Variants in PDE1C observed in about 807,000 individuals in gnomAD.
PDE1C encodes phosphodiesterase 1C.
PDE1C carries 62 observed loss-of-function variants against 93.1 expected under a neutral mutation model. The observed-to-expected ratio is 0.67, with a 90% CI of 0.54 to 0.82. The LOEUF is 0.82. Ranked by LOEUF, PDE1C falls within the 40% of genes least tolerant of loss-of-function variation. The pLI, the probability that PDE1C is intolerant of heterozygous loss-of-function variation, is 0.00. For missense variants in PDE1C, 742 were observed against 884.6 expected, an observed-to-expected ratio of 0.84 and a Z score of 2.04; for synonymous variants, 325 against 310.1, an observed-to-expected ratio of 1.05 and a Z score of -0.50.
At chr7:32,277,983 C>T (rs1281982962) in intron 1 of PDE1C, among the ~76,000 whole-genome samples, 3 of 151,818 alleles carry the variant, frequency 2.0e-5, no homozygotes, top group Non-Finnish European at 2.9e-5. Flanking sequence ...CAGGACACAC[C>T]GGTGATGTCC....
intron 9 of PDE1C, among the ~76,000 whole-genome samples, chr7:31,846,934 C>T (rs1390507149): frequency 6.6e-6 from 1 of 152,044 alleles, no homozygotes; most frequent in African/African-American, 2.4e-5. Context: ...TAAAAATCAG[C>T]CTCTCAGATT....
chr7:31,669,323 C>T, the PDE1C span, among the ~76,000 whole-genome samples: 148 of 152,176 alleles, frequency 9.7e-4, 1 homozygote, highest in African/African-American at 3.4e-3. Flanking sequence ...CATCCCAGGA[C>T]AAGACACTAG....
At chr7:32,014,420 CAAG>C (rs1157195367) in intron 2 of PDE1C, among the ~76,000 whole-genome samples, 1 of 152,196 alleles carries the variant, frequency 6.6e-6, no homozygotes, top group Non-Finnish European at 1.5e-5. Flanking sequence ...CATACACTCT[CAAG>C]AACTTTTATT....
the PDE1C span, chr7:31,651,060 T>C: frequency 6.7e-7 from 1 of 1,489,676 alleles, no homozygotes; most frequent in Non-Finnish European, 9.0e-7. Context: ...GGATCCCAAA[T>C]GGGAAGACAG....
chr7:31,984,113 G>A (rs1028097710), intron 2 of PDE1C, among the ~76,000 whole-genome samples: 1 of 152,120 alleles, frequency 6.6e-6, no homozygotes, highest in African/African-American at 2.4e-5. Flanking sequence ...TAGATCAGGG[G>A]TCCGCAAACC....
intron 2 of PDE1C, among the ~76,000 whole-genome samples, chr7:32,047,176 G>C (rs1792720847): frequency 6.6e-6 from 1 of 151,710 alleles, no homozygotes; most frequent in Non-Finnish European, 1.5e-5. Flanking sequence ...ATAAGTATTT[G>C]GTTATTTCTA....
At chr7:31,643,239 T>C in the PDE1C span, 303,630 of 1,613,512 alleles carry the variant, frequency 0.19, 30,507 homozygotes, top group Non-Finnish European at 0.2. Context: ...AGGAAAGCAG[T>C]GGATTCTGTC....
chr7:32,367,194 A>G (rs963645768), intron 1 of PDE1C, among the ~76,000 whole-genome samples: 2 of 152,218 alleles, frequency 1.3e-5, no homozygotes, highest in Non-Finnish European at 2.9e-5. Flanking sequence ...GGAGTCCTAC[A>G]ACTGGAAGTC....
chr7:32,012,488 A>G (rs1327026554), intron 2 of PDE1C, among the ~76,000 whole-genome samples: 2 of 152,232 alleles, frequency 1.3e-5, no homozygotes, highest in East Asian at 3.8e-4. Flanking sequence ...TTACATTTCA[A>G]CATGAGATTT....
chr7:31,687,586 G>T, the PDE1C span, among the ~76,000 whole-genome samples: 1 of 152,160 alleles, frequency 6.6e-6, no homozygotes, highest in South Asian at 2.1e-4. Flanking sequence ...GGATAGAGAG[G>T]TTTATCTTCC....
the PDE1C span, among the ~76,000 whole-genome samples, chr7:31,686,477 A>G: frequency 1.3e-5 from 2 of 152,144 alleles, no homozygotes; most frequent in African/African-American, 2.4e-5. Context: ...ACTATAACCT[A>G]TAGAGTTGGG....
intron 1 of PDE1C, among the ~76,000 whole-genome samples, chr7:32,219,424 A>G (rs1806672926): frequency 6.6e-6 from 1 of 152,222 alleles, no homozygotes; most frequent in African/African-American, 2.4e-5. Flanking sequence ...TAGCACTCAG[A>G]TCTTTCTATC....
chr7:32,088,763 T>G (rs73320309), intron 3 of PDE1C, among the ~76,000 whole-genome samples: 95,648 of 152,132 alleles, frequency 0.63, 30,432 homozygotes, highest in African/African-American at 0.71. Context: ...GTGAAATGGT[T>G]CAGGAAAGAA....
At chr7:31,681,512 A>G in the PDE1C span, among the ~76,000 whole-genome samples, 2 of 152,164 alleles carry the variant, frequency 1.3e-5, no homozygotes, top group Non-Finnish European at 2.9e-5. Context: ...TTTCCTCAGA[A>G]GCAGATTCTT....
intron 1 of PDE1C, among the ~76,000 whole-genome samples, chr7:32,249,195 T>C (rs1016150934): frequency 6.6e-6 from 1 of 152,012 alleles, no homozygotes; most frequent in African/African-American, 2.4e-5. Context: ...AATCAGGGCA[T>C]AAAAATTCCT....
At chr7:31,964,351 G>A (rs142137921) in intron 2 of PDE1C, among the ~76,000 whole-genome samples, 4,630 of 152,236 alleles carry the variant, frequency 0.03, 111 homozygotes, top group Admixed American at 0.075. Context: ...ACGGAGCCTC[G>A]CTCACTGCTA....
chr7:32,066,631 TA>T (rs1020269227), intron 1 of PDE1C, among the ~76,000 whole-genome samples: 8 of 152,138 alleles, frequency 5.3e-5, no homozygotes, highest in Non-Finnish European at 1.2e-4. Flanking sequence ...GGTACAGTCA[TA>T]ACCCAATTGC....
At chr7:31,653,025 C>G in the PDE1C span, 1 of 1,345,948 alleles carries the variant, frequency 7.4e-7, no homozygotes, top group Non-Finnish European at 9.8e-7. Flanking sequence ...AACTGAGCAC[C>G]TAGTATGTGC....
chr7:32,096,860 T>TAGATAGATAGATAGATAGAC (rs1300516444), intron 3 of PDE1C, among the ~76,000 whole-genome samples: 212 of 150,506 alleles, frequency 1.4e-3, no homozygotes, highest in South Asian at 4.5e-3. Flanking sequence ...GATAGATAGA[T>TAGATAGATAGATAGATAGAC]AGACAGACAG....
Sources: allele counts gnomAD v4.1 joint callset (sites outside exome capture counted in the v4.1 genomes callset), GRCh38; gene constraint gnomAD v4.1.1; transcripts MANE v1.5; gene names NCBI Gene and HGNC (gene_info 2026-07-23, HGNC 2026-07-21).